Variants in MDN1 observed in about 807,000 individuals in gnomAD.
MDN1 encodes the protein midasin AAA ATPase 1, also known as midasin.
A neutral mutation model predicts 669.2 loss-of-function variants in MDN1; 266 were observed. The observed-to-expected ratio is 0.40, with a 90% confidence interval of 0.36 to 0.44. The LOEUF is 0.44. Ranked by LOEUF, MDN1 falls within the 20% of genes least tolerant of loss-of-function variation. MDN1 has a pLI of 1.00. For missense variants in MDN1, 5,940 were observed against 6,754.0 expected (o/e 0.88, Z 4.22); for synonymous variants, 2,385 against 2,457.1 (o/e 0.97, Z 0.87).
At chr6:89,814,954 G>A in intron 1 of MDN1, 2 of 486,060 alleles carry the variant, frequency 4.1e-6, no homozygotes, top group Non-Finnish European at 7.7e-6. Context: ...GAGCACCCTG[G>A]GTGCCATGTC....
intron 3 of MDN1, 75 bp from the exon 4 acceptor site, chr6:89,794,282 A>T (rs1819451542): frequency 2.5e-6 from 2 of 811,050 alleles, no homozygotes; most frequent in South Asian, 3.5e-5. Context: ...CCACTAGCCA[A>T]CTGAACACTA....
At chr6:89,734,716 A>AGAGAGAGAGAGAGAGAGAGAGAGAG (rs1562158027) in intron 33 of MDN1, among the ~76,000 whole-genome samples, 2 of 146,824 alleles carry the variant, frequency 1.4e-5, no homozygotes, top group East Asian at 2.0e-4. Flanking sequence ...AGAGAGAGAG[A>AGAGAGAGAGAGAGAGAGAGAGAGAG]ACTCCCTGAT....
At chr6:89,725,424 G>C (rs1283582812) in intron 37 of MDN1, 28 bp from the exon 38 acceptor site, 1 of 1,567,154 alleles carries the variant, frequency 6.4e-7, no homozygotes, top group South Asian at 1.1e-5. Context: ...TACATAATTT[G>C]TCTCAAATAT....
rs774329090 is a variant in MDN1 at position 89,650,088 on chromosome 6, C to T, written c.16142G>A (p.Arg5381His). The T allele has an allele frequency of 1.9e-5, 30 of 1,613,972 alleles. 1 individual carries two copies. The highest frequency in any genetic ancestry group is 1.6e-4 in the Middle Eastern group (1 of 6,084). ...GATAGCCAAACAAATCTGATACTGG[C>T]GTTTACTGGGCTTGGTCCTTCGAAG... ...IWLRRTKPSK[R>H]QYQICLAIDD... is the part of the protein sequence containing the mutation. The change falls in exon 97 of 102, where the codon CGC becomes CAC. Residue 5381 changes from arginine to histidine, a missense_variant. Physicochemically the swap from Arg to His is conservative, Grantham distance 29 (BLOSUM62 0). This residue lies in a region of MDN1 where 2,280 missense variants were observed against 2,576.3 expected (regional missense o/e 0.88). Transcript: ENST00000369393.
chr6:89,654,283 T>C lies in MDN1; in HGVS notation c.15542A>G (p.Gln5181Arg). The stretch of plus-strand genomic sequence containing the variant: ...GGTGTCCTCTATCTCCTCCTCTTCC[T>C]GATCTTTGCCAGAGTCTTTTGCAGA... ...QQSAKDSGKD[Q>R]EEEEIEDTLM... Residue 5181 changes from glutamine (Q) to arginine (R), a missense_variant, in exon 93 of 102, where the codon CAG (glutamine) becomes CGG (arginine). Transcript: ENST00000369393. 1 of 1,614,244 alleles carries C rather than the reference T, an allele frequency of 6.2e-7. No homozygotes were observed. The highest frequency in any genetic ancestry group is 2.2e-5 in the East Asian group (1 of 44,884).
At chr6:89,704,860 G>A (rs1460066444) in intron 53 of MDN1, among the ~76,000 whole-genome samples, 2 of 152,200 alleles carry the variant, frequency 1.3e-5, no homozygotes, top group African/African-American at 4.8e-5. Flanking sequence ...GGTTAGAGGC[G>A]TGAGCCACCG....
At chr6:89,737,698 A>AG (rs1816066589) in intron 33 of MDN1, among the ~76,000 whole-genome samples, 1 of 150,074 alleles carries the variant, frequency 6.7e-6, no homozygotes, top group African/African-American at 2.5e-5. Flanking sequence ...CCCAGGCTGG[A>AG]GTACAATGGT....
At chr6:89,760,001 G>C (rs1817457037) in intron 17 of MDN1, among the ~76,000 whole-genome samples, 1 of 152,062 alleles carries the variant, frequency 6.6e-6, no homozygotes, top group Non-Finnish European at 1.5e-5. Context: ...CAACCCAGGA[G>C]GCAGAGGTTG....
chr6:89,674,025 T>C, intron 79 of MDN1, 79 bp downstream of exon 79: 1 of 1,375,404 alleles, frequency 7.3e-7, no homozygotes. Flanking sequence ...TTCACACCCT[T>C]CCCTTCCCAC....
chr6:89,661,720 G>A (rs527850969), intron 87 of MDN1, 142 bp from the exon 88 acceptor site: 1 of 862,530 alleles, frequency 1.2e-6, no homozygotes, highest in East Asian at 2.8e-5. Flanking sequence ...GCACACATTA[G>A]TATTTTATTT....
chr6:89,707,818 C>T (rs1813622334), intron 51 of MDN1, among the ~76,000 whole-genome samples: 1 of 152,192 alleles, frequency 6.6e-6, no homozygotes, highest in African/African-American at 2.4e-5. Context: ...AAGGCACCCT[C>T]TGAGGTACAC....
intron 8 of MDN1, among the ~76,000 whole-genome samples, chr6:89,787,066 C>A (rs920126663): frequency 3.6e-5 from 5 of 138,730 alleles, no homozygotes; most frequent in African/African-American, 1.1e-4. Context: ...CACAGTGAGA[C>A]CCCATTTCAA....
At chr6:89,754,516 G>A (rs1162224779) in intron 20 of MDN1, among the ~76,000 whole-genome samples, 1 of 152,186 alleles carries the variant, frequency 6.6e-6, no homozygotes, top group Non-Finnish European at 1.5e-5. Flanking sequence ...GAGGTGAGAA[G>A]CTTCTGTGTT....
At chr6:89,672,486 A>C (rs1402484293) in intron 81 of MDN1, 61 bp downstream of exon 81, 1 of 1,597,140 alleles carries the variant, frequency 6.3e-7, no homozygotes, top group Non-Finnish European at 8.5e-7. Context: ...ACAGAAATAA[A>C]TCATCAAATA....
At chr6:89,762,183 T>A in intron 16 of MDN1, 136 bp downstream of exon 16, 1 of 699,056 alleles carries the variant, frequency 1.4e-6, no homozygotes, top group Non-Finnish European at 2.4e-6. Context: ...TGGGGCACAA[T>A]ACTTCACAAT....
intron 33 of MDN1, among the ~76,000 whole-genome samples, chr6:89,734,864 A>G (rs1043614129): frequency 2.0e-5 from 3 of 151,570 alleles, no homozygotes; most frequent in African/African-American, 7.3e-5. Context: ...ATATAACACA[A>G]GGAAATCATT....
chr6:89,801,432 C>G (rs1273646405), intron 2 of MDN1, among the ~76,000 whole-genome samples: 2 of 152,176 alleles, frequency 1.3e-5, no homozygotes, highest in Non-Finnish European at 2.9e-5. Context: ...GTAGGCAGAT[C>G]ACGAGGTCAG....
At chr6:89,659,888 TA>T (rs1301683791) in intron 88 of MDN1, among the ~76,000 whole-genome samples, 3 of 152,204 alleles carry the variant, frequency 2.0e-5, no homozygotes, top group East Asian at 3.9e-4. Flanking sequence ...TCTTATTATT[TA>T]TTTTTTTATT....
chr6:89,762,626 A>G, intron 15 of MDN1, 96 bp from the exon 16 acceptor site: 1 of 835,888 alleles, frequency 1.2e-6, no homozygotes, highest in Non-Finnish European at 1.9e-6. Context: ...CTCAGATTTC[A>G]TTTAATTAAC....
Sources: allele counts gnomAD v4.1 joint callset (sites outside exome capture counted in the v4.1 genomes callset), GRCh38; gene constraint gnomAD v4.1.1; regional missense constraint gnomAD v4.1.1; transcripts MANE v1.5; gene names NCBI Gene and HGNC (gene_info 2026-07-23, HGNC 2026-07-21).